ZSWIM1: variants seen among roughly 807,000 people sequenced by gnomAD.
ZSWIM1 encodes the protein zinc finger SWIM domain-containing protein 1.
In ZSWIM1, 22 loss-of-function variants were observed where a neutral mutation model predicts 29.3. That is an observed-to-expected ratio of 0.75 (90% CI 0.54 to 1.07). The LOEUF (loss-of-function observed/expected upper bound fraction) is 1.07. Ranked by LOEUF, ZSWIM1 falls within the 50% of genes least tolerant of loss-of-function variation. The pLI is 0.00. For missense variants in ZSWIM1, 511 were observed against 596.2 expected (o/e 0.86, Z 1.49); for synonymous variants, 228 against 240.8 (o/e 0.95, Z 0.49).
chr20:45,883,803 G>T lies in ZSWIM1; in HGVS notation c.1211G>T (p.Arg404Leu). ...CRHILAMLSA[R>L]RQVLQPDMLP... is the part of the protein sequence containing the mutation. Reference sequence around the variant, plus strand: ...CACATCCTAGCCATGCTCAGTGCCCGCCGCCAGGTGCTCCAGCCCGACATG... The same window carrying T: ...CACATCCTAGCCATGCTCAGTGCCCTCCGCCAGGTGCTCCAGCCCGACATG... The change falls in exon 2 of 2, where the codon CGC (arginine) becomes CTC (leucine). Residue 404 changes from arginine to leucine, a missense_variant. Physicochemically the swap from Arg to Leu is moderately radical, Grantham distance 102. Coordinates refer to ENST00000372523, the MANE Select transcript of ZSWIM1 (RefSeq NM_080603.5). 6.2e-7 allele frequency: 1 copy of T among 1,613,448 alleles called. No homozygotes were observed. The highest frequency in any genetic ancestry group is 8.5e-7 in the Non-Finnish European group (1 of 1,180,016).
chr20:45,883,201 C>G lies in ZSWIM1; in HGVS notation c.609C>G (p.Cys203Trp), dbSNP rs1335808140. Reference sequence around the variant, plus strand: ...TGACCTCCCTGCAGAGCACAATGTGCTCAGCCACAGCAGGCAACCTGAGAA... The same window carrying G: ...TGACCTCCCTGCAGAGCACAATGTGGTCAGCCACAGCAGGCAACCTGAGAA... The part of the protein sequence containing the change: ...LLLTSLQSTM[C>W]SATAGNLRKL... The change falls in exon 2 of 2, where the codon TGC (cysteine) becomes TGG (tryptophan). Residue 203 changes from cysteine to tryptophan, a missense_variant. Physicochemically the swap from Cys to Trp is radical, Grantham distance 215. Transcript: ENST00000372523. The G allele has an allele frequency of 1.2e-6, 2 of 1,613,808 alleles. No individual in the cohort carries two copies. The highest frequency in any genetic ancestry group is 2.7e-5 in the African/African-American group (2 of 74,932).
Position 45,882,971 on chromosome 20 carries a change from C to G in ZSWIM1, c.379C>G (p.Gln127Glu), listed in dbSNP as rs764169486. The change falls in exon 2 of 2, where the codon CAG (glutamine) becomes GAG (glutamate). Residue 127 changes from glutamine to glutamate, a missense_variant. Physicochemically the swap from Gln to Glu is conservative, Grantham distance 29. Transcript: ENST00000372523. ...PAKEDTEGLA[Q>E]MFQVFKKFNP... ...CAAGGAGGACACTGAAGGCCTGGCC[C>G]AGATGTTCCAAGTATTCAAGAAGTT... is the stretch of plus-strand genomic sequence containing the variant. 40 of 1,614,072 alleles carry G rather than the reference C, an allele frequency of 2.5e-5. No individual in the cohort carries two copies. In the South Asian group the frequency reaches 4.0e-4, roughly 16 times the overall value.
At chr20:45,881,839 C>T (rs1986272926) in intron 1 of ZSWIM1, among the ~76,000 whole-genome samples, 1 of 152,030 alleles carries the variant, frequency 6.6e-6, no homozygotes, top group African/African-American at 2.4e-5. Context: ...AATATAAAAT[C>T]GTATTTTTAT....
In ZSWIM1 at chr20:45,883,576, C is replaced by T. The variant is rs1169069379; in HGVS notation, c.984C>T (p.His328=). 6.2e-7 allele frequency: 1 copy of T among 1,614,266 alleles called. No individual in the cohort carries two copies. The highest frequency in any genetic ancestry group is 1.7e-5 in the Admixed American group (1 of 60,034). The change falls in exon 2 of 2, where the codon CAC becomes CAT. Residue 328 remains histidine (H), a synonymous_variant. Transcript: ENST00000372523. ...AGCTGGTAGAATCCCACATCCAGCA[C>T]TCCCTCAATGCCATCTGCACAGGGC... ...LEQLVESHIQ[H]SLNAICTGPA...
chr20:45,882,985 A>G lies in ZSWIM1; in HGVS notation c.393A>G (p.Val131=). Residue 131 remains valine, a synonymous_variant, in exon 2 of 2, where the codon GTA becomes GTG. Coordinates refer to ENST00000372523, the MANE Select transcript of ZSWIM1 (RefSeq NM_080603.5). ...AAGGCCTGGCCCAGATGTTCCAAGTATTCAAGAAGTTTAATCCAGCATGGG... is the reference window on the plus strand; with the variant it reads ...AAGGCCTGGCCCAGATGTTCCAAGTGTTCAAGAAGTTTAATCCAGCATGGG... ...DTEGLAQMFQ[V]FKKFNPAWER... is the part of the protein sequence containing the mutation. 1.2e-6 allele frequency: 2 copies of G among 1,614,176 alleles called. No individual in the cohort carries two copies. The highest frequency in any genetic ancestry group is 1.7e-6 in the Non-Finnish European group (2 of 1,180,028).
chr20:45,882,333 T>C, intron 1 of ZSWIM1, among the ~76,000 whole-genome samples, 200 bp from the exon 2 acceptor site: 1 of 152,228 alleles, frequency 6.6e-6, no homozygotes, highest in East Asian at 1.9e-4. Context: ...CCCAGCTTAC[T>C]CTCTGACATG....
Position 45,883,542 on chromosome 20 carries a change from A to G in ZSWIM1, c.950A>G (p.Lys317Arg), listed in dbSNP as rs771085713. The G allele has an allele frequency of 3.1e-6, 5 of 1,614,070 alleles. No individual in the cohort carries two copies. The South Asian group carries it at 3.3e-5, about 11-fold the overall frequency. ...APSDTIPESP[K>R]LEQLVESHIQ... ...TCAGACACCATCCCCGAAAGCCCCA[A>G]ACTGGAGCAGCTGGTAGAATCCCAC... The change falls in exon 2 of 2, where the codon AAA (lysine) becomes AGA (arginine). Residue 317 changes from lysine (K) to arginine (R), a missense_variant. Lys to Arg is a conservative substitution (Grantham distance 26, BLOSUM62 2). Transcript: ENST00000372523.
chr20:45,883,822 C>T lies in ZSWIM1; in HGVS notation c.1230C>T (p.Pro410=), dbSNP rs777221313. The change falls in exon 2 of 2, where the codon CCC becomes CCT. Residue 410 remains proline, a synonymous_variant. Coordinates refer to ENST00000372523, the MANE Select transcript of ZSWIM1 (RefSeq NM_080603.5). ...GTGCCCGCCGCCAGGTGCTCCAGCCCGACATGCTGCCGGCTCAGTGGACGG... is the reference window on the plus strand; with the variant it reads ...GTGCCCGCCGCCAGGTGCTCCAGCCTGACATGCTGCCGGCTCAGTGGACGG... ...MLSARRQVLQ[P]DMLPAQWTAG... 46 of 1,613,586 alleles carry T rather than the reference C, an allele frequency of 2.9e-5. 1 individual carries two copies. The highest frequency in any genetic ancestry group is 3.6e-5 in the Non-Finnish European group (42 of 1,179,998).
At position 45,883,243 on chromosome 20, in the gene ZSWIM1, G is replaced by A. The variant is rs1255046250; in HGVS notation, c.651G>A (p.Leu217=). The change falls in exon 2 of 2, where the codon CTG becomes CTA. Residue 217 remains leucine, a synonymous_variant. Transcript: ENST00000372523. ...ACCTGAGAAAGTTGTATACACTCCTGAGCAACTGCATCCCTCCAGCCAAGC... is the reference window on the plus strand; with the variant it reads ...ACCTGAGAAAGTTGTATACACTCCTAAGCAACTGCATCCCTCCAGCCAAGC... ...AGNLRKLYTL[L]SNCIPPAKLP... is the part of the protein sequence containing the mutation. The A allele has an allele frequency of 2.3e-5, 37 of 1,613,602 alleles. No individual in the cohort carries two copies. Among genetic ancestry groups the A allele is most frequent in the Middle Eastern group, 1.6e-4 (1 of 6,084 alleles).
rs1365903219 is a variant in ZSWIM1 at position 45,883,342 on chromosome 20, G to C, written c.750G>C (p.Glu250Asp). The C allele has an allele frequency of 6.8e-6, 11 of 1,614,096 alleles. No homozygotes were observed. The highest frequency in any genetic ancestry group is 7.6e-6 in the Non-Finnish European group (9 of 1,180,056). ...CTCACCGCTGGAGAAGCCGAGCTGA[G>C]AGCAGCCACTACTTCCAGAGCCTCG... The part of the protein sequence containing the change: ...WLAHRWRSRA[E>D]SSHYFQSLEV... The change falls in exon 2 of 2, where the codon GAG becomes GAC. Residue 250 changes from glutamate to aspartate, a missense_variant. Transcript: ENST00000372523.
intron 1 of ZSWIM1, 108 bp from the exon 2 acceptor site, chr20:45,882,425 C>G: frequency 1.4e-6 from 1 of 737,580 alleles, no homozygotes; most frequent in South Asian, 1.9e-5. Context: ...GTGTATCTTC[C>G]CCTAGAACAG....
chr20:45,884,314 A>G lies in ZSWIM1; in HGVS notation c.*264A>G. 2.5e-6 allele frequency: 1 copy of G among 408,026 alleles called. No individual in the cohort carries two copies. The highest frequency in any genetic ancestry group is 7.4e-5 in the South Asian group (1 of 13,576). 25.3% of individuals were successfully genotyped at this position (408,026 alleles called of 1,614,324 possible). A position where few individuals can be genotyped will look rare whatever the true frequency, so the allele number is the denominator to read the frequency against. ...TTAGTTTACTCAGGTGGCCACATAC[A>G]GTCTCTGTTGTATATTCTTGGTTTT... On this transcript the variant is annotated 3_prime_UTR_variant, in exon 2 of 2. Coordinates refer to ENST00000372523, the MANE Select transcript of ZSWIM1 (RefSeq NM_080603.5).
intron 1 of ZSWIM1, 40 bp from the exon 2 acceptor site, chr20:45,882,493 G>A: frequency 2.1e-6 from 3 of 1,421,256 alleles, no homozygotes; most frequent in Non-Finnish European, 2.9e-6. Context: ...TGAAGAGCCA[G>A]GTCCCTGCTG....
intron 1 of ZSWIM1, among the ~76,000 whole-genome samples, chr20:45,881,468 A>C (rs1264940626): frequency 2.6e-5 from 4 of 152,202 alleles, no homozygotes; most frequent in Non-Finnish European, 5.9e-5. Context: ...GACCCCAGGT[A>C]CTGTGGACAG....
rs779445181 is a variant in ZSWIM1, at chr20:45,883,435, T to C, written c.843T>C (p.Ser281=). ...TTPSEKQGMA[S]LFRYMQQNSA... is the part of the protein sequence containing the mutation. ...CATCTGAGAAACAAGGTATGGCTTC[T>C]CTGTTCCGTTACATGCAGCAGAACT... Residue 281 remains serine (S), a synonymous_variant, in exon 2 of 2, where the codon TCT becomes TCC. Transcript: ENST00000372523. The C allele has an allele frequency of 3.1e-6, 5 of 1,614,228 alleles. No individual in the cohort carries two copies. In the South Asian group the frequency reaches 3.3e-5, roughly 11 times the overall value.
chr20:45,883,764 A>T lies in ZSWIM1; in HGVS notation c.1172A>T (p.His391Leu). The change falls in exon 2 of 2, where the codon CAC becomes CTC. Residue 391 changes from histidine (H) to leucine (L), a missense_variant. Coordinates refer to ENST00000372523, the MANE Select transcript of ZSWIM1 (RefSeq NM_080603.5). ...AGCTGCTACTTTAACCAGGCCTTCC[A>T]CCTGCCCTGCCGCCACATCCTAGCC... ...SCSCYFNQAF[H>L]LPCRHILAML... is the part of the protein sequence containing the mutation. 3 of 1,613,244 alleles carry T rather than the reference A, an allele frequency of 1.9e-6. No homozygotes were observed. Among genetic ancestry groups the T allele is most frequent in the Non-Finnish European group, 2.5e-6 (3 of 1,179,978 alleles).
Position 45,883,782 on chromosome 20 carries a change from T to C in ZSWIM1, c.1190T>C (p.Ile397Thr), listed in dbSNP as rs1986378127. ...GCCTTCCACCTGCCCTGCCGCCACATCCTAGCCATGCTCAGTGCCCGCCGC... is the reference window on the plus strand; with the variant it reads ...GCCTTCCACCTGCCCTGCCGCCACACCCTAGCCATGCTCAGTGCCCGCCGC... ...NQAFHLPCRHILAMLSARRQV... is the reference protein window; with the variant it reads ...NQAFHLPCRHTLAMLSARRQV... The change falls in exon 2 of 2, where the codon ATC becomes ACC. Residue 397 changes from isoleucine (I) to threonine (T), a missense_variant. Ile to Thr is a moderately conservative substitution (Grantham distance 89). Coordinates refer to ENST00000372523, the MANE Select transcript of ZSWIM1 (RefSeq NM_080603.5). 2 of 1,613,576 alleles carry C rather than the reference T, an allele frequency of 1.2e-6. No homozygotes were observed. Among genetic ancestry groups the C allele is most frequent in the African/African-American group, 2.7e-5 (2 of 74,910 alleles).
rs1398707566 is a variant in ZSWIM1, at chr20:45,883,273, C to T, written c.681C>T (p.Pro227=). The part of the protein sequence containing the change: ...LSNCIPPAKL[P]ELHSHWLLND... The stretch of plus-strand genomic sequence containing the variant: ...ACTGCATCCCTCCAGCCAAGCTGCC[C>T]GAGCTTCACTCACACTGGCTGCTCA... The change falls in exon 2 of 2, where the codon CCC becomes CCT. Residue 227 remains proline, a synonymous_variant. Transcript: ENST00000372523. 3.1e-6 allele frequency: 5 copies of T among 1,613,974 alleles called. No individual in the cohort carries two copies. The highest frequency in any genetic ancestry group is 3.3e-5 in the Admixed American group (2 of 60,022).
upstream of ZSWIM1, chr20:45,881,103 A>T (rs920401498): frequency 2.0e-5 from 3 of 152,136 alleles, no homozygotes; most frequent in African/African-American, 7.2e-5. Context: ...GCGAATCGTC[A>T]CGCTACGATT....
Sources: gnomAD v4.1 joint callset for allele counts (sites outside exome capture counted in the v4.1 genomes callset) on GRCh38, gnomAD v4.1.1 for gene constraint, MANE v1.5 for transcripts, NCBI Gene and HGNC (gene_info 2026-07-23, HGNC 2026-07-21) for gene names.